The following STAT5B variants were observed in gnomAD, a reference collection of about 807,000 sequenced individuals.
STAT5B encodes transcription factor STAT5B.
A neutral mutation model predicts 107.8 loss-of-function variants in STAT5B; 21 were observed. The observed-to-expected ratio is 0.19, with a 90% confidence interval of 0.14 to 0.28. STAT5B has a LOEUF of 0.28. STAT5B is among the 10% of genes least tolerant of loss of function. The pLI is 1.00. For synonymous variants in STAT5B, 325 were observed against 401.7 expected, an observed-to-expected ratio of 0.81 and a Z score of 2.28; for missense variants, 565 against 1,008.2, an observed-to-expected ratio of 0.56 and a Z score of 5.95.
chr17:42,279,377 C>T (rs1231159195), upstream of STAT5B, among the ~76,000 whole-genome samples: 3 of 152,144 alleles, frequency 2.0e-5, no homozygotes, highest in Non-Finnish European at 4.4e-5. Context: ...CACTGTATAG[C>T]GGTTAACTAC....
intron 1 of STAT5B, among the ~76,000 whole-genome samples, chr17:42,247,912 C>A (rs1361086127): frequency 1.3e-5 from 2 of 151,208 alleles, no homozygotes; most frequent in Non-Finnish European, 2.9e-5. Flanking sequence ...ATGATTGCGC[C>A]ACTGCATGCC....
At chr17:42,211,460 C>T (rs544133209) in intron 13 of STAT5B, among the ~76,000 whole-genome samples, 2 of 151,946 alleles carry the variant, frequency 1.3e-5, no homozygotes, top group South Asian at 4.1e-4. Flanking sequence ...GAGCCAAGAT[C>T]GTGCCATTGC....
chr17:42,233,773 A>T (rs914986753), intron 1 of STAT5B: 2 of 152,206 alleles, frequency 1.3e-5, no homozygotes, highest in African/African-American at 4.8e-5. Flanking sequence ...TACAGGTGTG[A>T]GCCACTGCAC....
At chr17:42,259,616 G>GT (rs1441453318) in intron 1 of STAT5B, among the ~76,000 whole-genome samples, 8 of 151,892 alleles carry the variant, frequency 5.3e-5, no homozygotes, top group Non-Finnish European at 8.8e-5. Context: ...GCGAAACCCC[G>GT]TATCTACTAA....
At chr17:42,217,119 A>ACACACG (rs772170710) in intron 11 of STAT5B, 41 bp downstream of exon 11, 53 of 1,592,842 alleles carry the variant, frequency 3.3e-5, no homozygotes, top group East Asian at 1.2e-4. Flanking sequence ...CACCACACAC[A>ACACACG]CACACGCACA....
At chr17:42,255,764 G>C (rs1467862912) in intron 1 of STAT5B, among the ~76,000 whole-genome samples, 2 of 152,206 alleles carry the variant, frequency 1.3e-5, no homozygotes, top group Non-Finnish European at 2.9e-5. Flanking sequence ...ACAACAATGT[G>C]AATGTGCTTA....
intron 5 of STAT5B, among the ~76,000 whole-genome samples, chr17:42,220,781 T>C (rs569705488): frequency 4.5e-4 from 68 of 151,186 alleles, no homozygotes; most frequent in Non-Finnish European, 7.9e-4. Context: ...TTAGGCCTCA[T>C]TACCTTTTAA....
At chr17:42,277,761 T>TTC (rs201544513), upstream of STAT5B, among the ~76,000 whole-genome samples, 1,787 of 150,066 alleles carry the variant, frequency 0.012, 47 homozygotes, top group African/African-American at 0.041. Flanking sequence ...TTCTTTTCTT[T>TTC]TTTTTTTTTT....
At chr17:42,283,789 A>T in the STAT5B span, among the ~76,000 whole-genome samples, 2 of 152,088 alleles carry the variant, frequency 1.3e-5, no homozygotes, top group South Asian at 4.1e-4. Flanking sequence ...TTGGACAAGA[A>T]TGGGGGTGGC....
At chr17:42,228,237 G>A (rs539163155) in intron 2 of STAT5B, among the ~76,000 whole-genome samples, 5 of 152,280 alleles carry the variant, frequency 3.3e-5, no homozygotes, top group South Asian at 2.1e-4. Context: ...GAATTTATAC[G>A]AGTCAGACAT....
chr17:42,251,330 T>C (rs1259258486), intron 1 of STAT5B, among the ~76,000 whole-genome samples: 1 of 152,216 alleles, frequency 6.6e-6, no homozygotes, highest in African/African-American at 2.4e-5. Flanking sequence ...GAATTAGCAA[T>C]GCAACATTTC....
chr17:42,231,808 C>T (rs951500850), intron 2 of STAT5B, among the ~76,000 whole-genome samples, 192 bp downstream of exon 2: 9 of 151,974 alleles, frequency 5.9e-5, no homozygotes, highest in African/African-American at 2.2e-4. Flanking sequence ...TTATTCCATC[C>T]CCTCAATCTA....
chr17:42,286,222 A>G, the STAT5B span, among the ~76,000 whole-genome samples: 1 of 146,008 alleles, frequency 6.8e-6, no homozygotes, highest in East Asian at 2.0e-4. Flanking sequence ...AACGAGAGCG[A>G]AACTCCATCT....
chr17:42,276,371 G>C lies in STAT5B; in HGVS notation c.-134C>G, dbSNP rs2080766327. The C allele has an allele frequency of 6.8e-6, 1 of 146,954 alleles. No individual in the cohort carries two copies. Among genetic ancestry groups the C allele is most frequent in the Non-Finnish European group, 1.5e-5 (1 of 66,044 alleles). 9.1% of individuals were successfully genotyped at this position (146,954 alleles called of 1,614,324 possible). ...AGTTGCCTGCGCTGGGTCCCCGCCC[G>C]GGGTGACGGCTCCGGCCGCCGACTC... On this transcript the variant is annotated 5_prime_UTR_variant, in exon 1 of 19. Coordinates refer to ENST00000293328, the MANE Select transcript of STAT5B (RefSeq NM_012448.4). This position sits in a 1 kb window ranked among gnomAD's most constrained non-coding sequence, Gnocchi z 4.8.
intron 1 of STAT5B, among the ~76,000 whole-genome samples, chr17:42,265,102 A>G (rs2080656358): frequency 7.2e-6 from 1 of 139,672 alleles, no homozygotes; most frequent in Non-Finnish European, 1.5e-5. Context: ...TAGATTCTGG[A>G]TATTAGCCCT....
At chr17:42,220,212 G>A (rs2080212882) in intron 5 of STAT5B, among the ~76,000 whole-genome samples, 1 of 152,228 alleles carries the variant, frequency 6.6e-6, no homozygotes, top group African/African-American at 2.4e-5. Flanking sequence ...TTGACTGCAG[G>A]TGAACCTGGG....
chr17:42,242,832 C>T (rs2080415754), intron 1 of STAT5B, among the ~76,000 whole-genome samples: 1 of 152,052 alleles, frequency 6.6e-6, no homozygotes, highest in African/African-American at 2.4e-5. Context: ...TACCCCCAAC[C>T]CTGTGCTCTC....
At chr17:42,235,223 G>C (rs552435219) in intron 1 of STAT5B, 1 of 152,248 alleles carries the variant, frequency 6.6e-6, no homozygotes, top group East Asian at 1.9e-4. Context: ...TCCTGATATT[G>C]ATCATATATT....
In STAT5B at chr17:42,202,345, T is replaced by C. The variant is rs1567652981; in HGVS notation, c.2232A>G (p.Pro744=). ...CCCACAAGAATGCCACCTACTTCTGTGGGTACATGTTATAGTGAGCCTGGG... is the reference window on the plus strand; with the variant it reads ...CCCACAAGAATGCCACCTACTTCTGCGGGTACATGTTATAGTGAGCCTGGG... ...VCPQAHYNMY[P]QNPDSVLDTD... The change falls in exon 18 of 19, where the codon CCA becomes CCG. Residue 744 remains proline, a synonymous_variant. Transcript: ENST00000293328. The C allele has an allele frequency of 3.1e-6, 5 of 1,614,148 alleles. No homozygotes were observed. The highest frequency in any genetic ancestry group is 3.3e-4 in the Middle Eastern group (2 of 6,062).
Sources: allele counts gnomAD v4.1 joint callset (sites outside exome capture counted in the v4.1 genomes callset), GRCh38; gene constraint gnomAD v4.1.1; non-coding constraint Gnocchi (gnomAD v3.1); transcripts MANE v1.5; gene names NCBI Gene and HGNC (gene_info 2026-07-23, HGNC 2026-07-21).